The following ASAP2 variants were observed in gnomAD, a reference collection of about 807,000 sequenced individuals.
ASAP2 encodes the protein ArfGAP with SH3 domain, ankyrin repeat and PH domain 2, also known as arf-GAP with SH3 domain, ANK repeat and PH domain-containing protein 2.
A neutral mutation model predicts 131.4 loss-of-function variants in ASAP2; 45 were observed. The observed-to-expected ratio is 0.34, with a 90% confidence interval of 0.27 to 0.44. ASAP2 has a LOEUF of 0.44. Ranked by LOEUF, ASAP2 falls within the 20% of genes least tolerant of loss-of-function variation. ASAP2 has a pLI of 1.00. For synonymous variants in ASAP2, 510 were observed against 503.0 expected, an observed-to-expected ratio of 1.01 and a Z score of -0.19; for missense variants, 1,011 against 1,297.0, an observed-to-expected ratio of 0.78 and a Z score of 3.39.
At chr2:9,343,248 C>T (rs2148598581) in intron 9 of ASAP2, among the ~76,000 whole-genome samples, 1 of 152,286 alleles carries the variant, frequency 6.6e-6, no homozygotes, top group South Asian at 2.1e-4. Context: ...CTGTTTCTCC[C>T]ATTATGGAAT....
rs1669272165 is a variant in ASAP2, at chr2:9,311,212, G to A, written c.346-7312G>A. Among the ~76,000 whole-genome samples the A allele has an allele frequency of 6.6e-6, 1 of 151,844 alleles. No homozygotes were observed. Among genetic ancestry groups the A allele is most frequent in the South Asian group, 2.1e-4 (1 of 4,808 alleles). On this transcript the variant is annotated intron_variant, in intron 3 of 27. Coordinates refer to ENST00000281419, the MANE Select transcript of ASAP2 (RefSeq NM_003887.3). This position sits in a 1 kb window ranked among gnomAD's most constrained non-coding sequence, Gnocchi z 5.2. ...TTTGAGACCAGCGTTGGCAACATGG[G>A]GAGACCCTGTCTTGACAAAAAATAA...
At chr2:9,259,219 AAACTAAT>A (rs1357130117) in intron 1 of ASAP2, among the ~76,000 whole-genome samples, 3 of 152,214 alleles carry the variant, frequency 2.0e-5, no homozygotes, top group Non-Finnish European at 4.4e-5. Context: ...AAAGAAAGTA[AAACTAAT>A]GGGCTGAAGC....
chr2:9,318,454 G>A, intron 3 of ASAP2, 70 bp from the exon 4 acceptor site: 1 of 1,138,248 alleles, frequency 8.8e-7, no homozygotes. Flanking sequence ...TCTCTCTAAT[G>A]TCCTTGCTGT....
chr2:9,217,464 G>A lies in ASAP2; in HGVS notation c.126+10234G>A, dbSNP rs1662128608. Among the ~76,000 whole-genome samples, 1 of 152,176 alleles carries A rather than the reference G, an allele frequency of 6.6e-6. No homozygotes were observed. The highest frequency in any genetic ancestry group is 1.5e-5 in the Non-Finnish European group (1 of 68,032). ...TCCACTCCATGCTGAAGATGGCTTT[G>A]TCAATAAAATCAGGCAGTTGATGAA... On this transcript the variant is annotated intron_variant, in intron 1 of 27. Coordinates refer to ENST00000281419, the MANE Select transcript of ASAP2 (RefSeq NM_003887.3). The surrounding 1 kb of genome is among the most constrained non-coding windows in gnomAD (Gnocchi z 4.0).
At chr2:9,358,135 C>G (rs1323728815) in intron 14 of ASAP2, among the ~76,000 whole-genome samples, 1 of 152,168 alleles carries the variant, frequency 6.6e-6, no homozygotes, top group East Asian at 1.9e-4. Context: ...CTGAGCATCG[C>G]AAAGCTGTCT....
chr2:9,378,988 A>G lies in ASAP2; in HGVS notation c.1877A>G (p.His626Arg), dbSNP rs1167329801. The G allele has an allele frequency of 1.3e-6, 2 of 1,568,824 alleles. No homozygotes were observed. The highest frequency in any genetic ancestry group is 1.8e-5 in the Admixed American group (1 of 54,670). ...ACAGGGAAAGGCAGCACAGCCCTGCACTACTGCTGCCTGACCGACAATGCC... is the reference window on the plus strand; with the variant it reads ...ACAGGGAAAGGCAGCACAGCCCTGCGCTACTGCTGCCTGACCGACAATGCC... ...KQTGKGSTAL[H>R]YCCLTDNAEC... Residue 626 changes from histidine to arginine, a missense_variant, in exon 19 of 28, where the codon CAC (histidine) becomes CGC (arginine). Physicochemically the swap from His to Arg is conservative, Grantham distance 29. Coordinates refer to ENST00000281419, the MANE Select transcript of ASAP2 (RefSeq NM_003887.3).
intron 15 of ASAP2, among the ~76,000 whole-genome samples, chr2:9,361,174 A>G (rs1382007439): frequency 6.6e-6 from 1 of 152,204 alleles, no homozygotes. Context: ...TGCTTAATCA[A>G]TGTCTGCAGA....
chr2:9,214,813 C>CTCCT (rs374708871), intron 1 of ASAP2, among the ~76,000 whole-genome samples: 5 of 150,864 alleles, frequency 3.3e-5, no homozygotes, highest in Non-Finnish European at 5.9e-5. Flanking sequence ...ACAGGACTAG[C>CTCCT]TCCTTCCTTA....
intron 18 of ASAP2, 75 bp downstream of exon 18, chr2:9,377,068 A>G: frequency 7.8e-7 from 1 of 1,280,426 alleles, no homozygotes; most frequent in Non-Finnish European, 1.1e-6. Flanking sequence ...ACGCTGCCTC[A>G]TCGCTTCTGA....
At chr2:9,374,311 G>A (rs1181384341) in intron 16 of ASAP2, among the ~76,000 whole-genome samples, 1 of 152,278 alleles carries the variant, frequency 6.6e-6, no homozygotes, top group East Asian at 1.9e-4. Flanking sequence ...CTGTCGGGCA[G>A]TGAGGCAGGC....
In ASAP2 at chr2:9,393,491, C is replaced by A. The variant is rs978507461; in HGVS notation, c.2528C>A (p.Thr843Asn). Residue 843 changes from threonine to asparagine, a missense_variant, in exon 24 of 28, where the codon ACC (threonine) becomes AAC (asparagine). Around this residue, in one of 2 missense-constraint regions of ASAP2, gnomAD observed 652 missense variants for 698.9 expected, o/e 0.93. Transcript: ENST00000281419. Reference sequence around the variant, plus strand: ...TCCCTGTCCTCCGCAGATCCCCTGACCCCCACGCCGCCCCCACCCGTTGCC... The same window carrying A: ...TCCCTGTCCTCCGCAGATCCCCTGAACCCCACGCCGCCCCCACCCGTTGCC... ...PLRVTSTNPLTPTPPPPVAKT... is the reference protein window; with the variant it reads ...PLRVTSTNPLNPTPPPPVAKT... The A allele has an allele frequency of 6.2e-6, 10 of 1,606,286 alleles. No homozygotes were observed. The highest frequency in any genetic ancestry group is 8.5e-6 in the Non-Finnish European group (10 of 1,176,876).
intron 1 of ASAP2, among the ~76,000 whole-genome samples, chr2:9,229,953 T>A (rs1663044858): frequency 6.6e-6 from 1 of 151,960 alleles, no homozygotes; most frequent in Non-Finnish European, 1.5e-5. Flanking sequence ...GGGGTAGAGA[T>A]GTGTGTTTGT....
chr2:9,380,123 C>T (rs563989019), intron 19 of ASAP2, among the ~76,000 whole-genome samples: 91 of 152,270 alleles, frequency 6.0e-4, no homozygotes, highest in African/African-American at 2.1e-3. Context: ...TATGATGAAT[C>T]GCTTTATTCA....
chr2:9,379,338 G>T (rs1185221140), intron 19 of ASAP2, among the ~76,000 whole-genome samples: 2 of 152,202 alleles, frequency 1.3e-5, no homozygotes, highest in Non-Finnish European at 2.9e-5. Context: ...CGGATGCCAG[G>T]TGAATTTGGA....
chr2:9,291,039 T>C (rs977810604), intron 2 of ASAP2, among the ~76,000 whole-genome samples: 6 of 152,252 alleles, frequency 3.9e-5, no homozygotes, highest in African/African-American at 1.2e-4. Flanking sequence ...TTTTATGTCC[T>C]CCCTTTTTTA....
chr2:9,307,992 T>C (rs1669058479), intron 3 of ASAP2, among the ~76,000 whole-genome samples: 2 of 152,186 alleles, frequency 1.3e-5, no homozygotes, highest in African/African-American at 4.8e-5. Flanking sequence ...GTGTGTATGA[T>C]AGACCTCAAG....
chr2:9,375,931 G>A (rs779043388), intron 17 of ASAP2, among the ~76,000 whole-genome samples: 1 of 152,216 alleles, frequency 6.6e-6, no homozygotes, highest in Non-Finnish European at 1.5e-5. Context: ...TCTTGAGAGG[G>A]TGGGCATCCA....
chr2:9,229,625 A>G (rs558012251), intron 1 of ASAP2, among the ~76,000 whole-genome samples: 4 of 152,338 alleles, frequency 2.6e-5, no homozygotes, highest in African/African-American at 9.6e-5. Context: ...CTGGAAGGAC[A>G]TGCAGGTGTT....
chr2:9,401,435 A>G, intron 27 of ASAP2, 39 bp downstream of exon 27: 2 of 1,605,178 alleles, frequency 1.2e-6, no homozygotes, highest in Non-Finnish European at 1.7e-6. Flanking sequence ...CTGGGGGCTG[A>G]GCCACGTCCC....
Sources: allele counts gnomAD v4.1 joint callset (sites outside exome capture counted in the v4.1 genomes callset), GRCh38; gene constraint gnomAD v4.1.1; regional missense constraint gnomAD v4.1.1; non-coding constraint Gnocchi (gnomAD v3.1); transcripts MANE v1.5; gene names NCBI Gene and HGNC (gene_info 2026-07-23, HGNC 2026-07-21).